Variants in TXNL1 observed in about 807,000 individuals in gnomAD.
The protein encoded by TXNL1 is thioredoxin-like protein 1.
In TXNL1, 14 loss-of-function variants were observed where a neutral mutation model predicts 35.5. The ratio of observed to expected loss-of-function variants is 0.39; its 90% CI spans 0.26 to 0.62. The LOEUF (loss-of-function observed/expected upper bound fraction) is 0.62. TXNL1 is among the 20% of genes least tolerant of loss of function. The pLI is 0.47. For synonymous variants in TXNL1, 110 were observed against 115.5 expected, an observed-to-expected ratio of 0.95 and a Z score of 0.31; for missense variants, 263 against 349.7, an observed-to-expected ratio of 0.75 and a Z score of 1.98.
At chr18:56,633,413 C>T (rs933972570) in intron 1 of TXNL1, among the ~76,000 whole-genome samples, 13 of 145,424 alleles carry the variant, frequency 8.9e-5, no homozygotes, top group Admixed American at 7.1e-4. Flanking sequence ...TGCCACTGCA[C>T]TCCAGCCTAG....
Position 56,598,002 on chromosome 18 carries a change from T to C in TXNL1, c.*5025A>G, listed in dbSNP as rs966221734. 2 of 152,230 alleles carry C rather than the reference T, an allele frequency of 1.3e-5. No individual in the cohort carries two copies. The highest frequency in any genetic ancestry group is 4.8e-5 in the African/African-American group (2 of 41,446). The allele number at this position is 152,230 out of a possible 1,614,324, so 9.4% of individuals were successfully genotyped here. On this transcript the variant is annotated 3_prime_UTR_variant, in exon 8 of 8. Coordinates refer to ENST00000217515, the MANE Select transcript of TXNL1 (RefSeq NM_004786.3). The stretch of plus-strand genomic sequence containing the variant: ...ATCTCTTTCACATGGCAAGAGGAGC[T>C]TCACCTTACCGTCTCTACTTGCTCT...
chr18:56,611,631 C>A (rs1236521354), intron 6 of TXNL1, among the ~76,000 whole-genome samples: 1 of 152,122 alleles, frequency 6.6e-6, no homozygotes, highest in African/African-American at 2.4e-5. Flanking sequence ...TGGCAAGAGA[C>A]CCATATATAT....
In TXNL1 at chr18:56,599,300, T is replaced by C. The variant is rs1014163709; in HGVS notation, c.*3727A>G. The C allele has an allele frequency of 7.2e-5, 11 of 152,046 alleles. No individual in the cohort carries two copies. Among genetic ancestry groups the C allele is most frequent in the South Asian group, 6.2e-4 (3 of 4,820 alleles). 9.4% of individuals were successfully genotyped at this position (152,046 alleles called of 1,614,324 possible). ...ATGTTAAAAAAAAAAAAAAACCTTA[T>C]TGATCAAAAATAAAACTTGAATTTT... On this transcript the variant is annotated 3_prime_UTR_variant, in exon 8 of 8. Transcript: ENST00000217515.
At chr18:56,617,135 A>C (rs1396234884) in intron 4 of TXNL1, among the ~76,000 whole-genome samples, 2 of 152,234 alleles carry the variant, frequency 1.3e-5, no homozygotes, top group African/African-American at 4.8e-5. Flanking sequence ...CTGGGGTTAC[A>C]GCATGGAAAG....
intron 5 of TXNL1, 121 bp from the exon 6 acceptor site, chr18:56,614,717 C>T: frequency 2.6e-6 from 2 of 780,990 alleles, no homozygotes; most frequent in Non-Finnish European, 3.8e-6. Flanking sequence ...CTTCAAATAA[C>T]TCCATTATTA....
In TXNL1 at chr18:56,601,705, T is replaced by G. The variant is rs2144269143; in HGVS notation, c.*1322A>C. The G allele has an allele frequency of 6.6e-6, 1 of 152,324 alleles. No homozygotes were observed. Among genetic ancestry groups the G allele is most frequent in the East Asian group, 1.9e-4 (1 of 5,178 alleles). 9.4% of individuals were successfully genotyped at this position (152,324 alleles called of 1,614,324 possible). A position where few individuals can be genotyped will look rare whatever the true frequency, so the allele number is the denominator to read the frequency against. ...TGCTCTCACAAAGGCAAATGGTATC[T>G]CTACCATATTCCTAGACAAGAATGC... On this transcript the variant is annotated 3_prime_UTR_variant, in exon 8 of 8. Transcript: ENST00000217515.
intron 1 of TXNL1, among the ~76,000 whole-genome samples, chr18:56,632,449 G>A (rs1287066499): frequency 1.3e-5 from 2 of 151,926 alleles, no homozygotes; most frequent in Non-Finnish European, 2.9e-5. Flanking sequence ...ACAAACTCAT[G>A]TCACCTCATT....
intron 5 of TXNL1, 152 bp downstream of exon 5, chr18:56,616,093 C>A: frequency 1.7e-6 from 1 of 596,848 alleles, no homozygotes; most frequent in Non-Finnish European, 2.8e-6. Context: ...GATTGCACCA[C>A]CGCACTCCAG....
Position 56,638,433 on chromosome 18 carries a change from C to T in TXNL1, c.8G>A (p.Gly3Glu). The change falls in exon 1 of 8, where the codon GGG becomes GAG. Residue 3 changes from glycine (G) to glutamate (E), a missense_variant. Coordinates refer to ENST00000217515, the MANE Select transcript of TXNL1 (RefSeq NM_004786.3). MV[G>E]VKPVGSDPDF... The stretch of plus-strand genomic sequence containing the variant: ...CGGGTCGCTCCCGACGGGCTTCACC[C>T]CCACCATCCTCACAGAGAGCCCGGC... 6.2e-7 allele frequency: 1 copy of T among 1,612,844 alleles called. No individual in the cohort carries two copies.
At chr18:56,624,513 A>C in intron 2 of TXNL1, 52 bp from the exon 3 acceptor site, 1 of 1,546,452 alleles carries the variant, frequency 6.5e-7, no homozygotes, top group South Asian at 1.2e-5. Context: ...AACCACTTTG[A>C]ATATTCATTC....
Position 56,611,067 on chromosome 18 carries a change from C to G in TXNL1, c.766G>C (p.Glu256Gln). ...IFVQSNQGEEETTRISYFTFI... is the reference protein window; with the variant it reads ...IFVQSNQGEEQTTRISYFTFI... ...GTAAAATATGAAATTCTTGTTGTTT[C>G]CTCTTCACCTTGATTCGACTGAACA... The change falls in exon 7 of 8, where the codon GAA becomes CAA. Residue 256 changes from glutamate (E) to glutamine (Q), a missense_variant. Physicochemically the swap from Glu to Gln is conservative, Grantham distance 29. Transcript: ENST00000217515. 5 of 1,606,454 alleles carry G rather than the reference C, an allele frequency of 3.1e-6. No homozygotes were observed. The highest frequency in any genetic ancestry group is 4.2e-6 in the Non-Finnish European group (5 of 1,177,558).
At chr18:56,612,722 C>T (rs2024017249) in intron 6 of TXNL1, among the ~76,000 whole-genome samples, 1 of 152,058 alleles carries the variant, frequency 6.6e-6, no homozygotes, top group Non-Finnish European at 1.5e-5. Context: ...TTCTGAGATG[C>T]CACTCATTCG....
At chr18:56,603,154 T>G in intron 7 of TXNL1, 98 bp from the exon 8 acceptor site, 1 of 1,129,734 alleles carries the variant, frequency 8.9e-7, no homozygotes, top group Non-Finnish European at 1.3e-6. Context: ...GGTATTAATT[T>G]TTATCCTTGG....
chr18:56,629,951 C>T (rs1377190544), intron 1 of TXNL1, among the ~76,000 whole-genome samples: 1 of 152,124 alleles, frequency 6.6e-6, no homozygotes, highest in Non-Finnish European at 1.5e-5. Flanking sequence ...GTAATCTCAG[C>T]ACTTTGGGAG....
chr18:56,628,402 G>C (rs1407767575), intron 1 of TXNL1, among the ~76,000 whole-genome samples: 1 of 152,140 alleles, frequency 6.6e-6, no homozygotes, highest in African/African-American at 2.4e-5. Flanking sequence ...ATTAGTAATA[G>C]TTCTAAGAGT....
chr18:56,629,400 T>C (rs1396548500), intron 1 of TXNL1, among the ~76,000 whole-genome samples: 1 of 152,050 alleles, frequency 6.6e-6, no homozygotes, highest in Non-Finnish European at 1.5e-5. Flanking sequence ...TGGTGGCGCA[T>C]GCCTGTAATC....
At chr18:56,635,726 ATGG>A (rs2024445200) in intron 1 of TXNL1, among the ~76,000 whole-genome samples, 1 of 152,128 alleles carries the variant, frequency 6.6e-6, no homozygotes, top group African/African-American at 2.4e-5. Context: ...AACAGTGGTG[ATGG>A]TGGCACAACA....
At chr18:56,620,001 C>G (rs746255249) in intron 3 of TXNL1, among the ~76,000 whole-genome samples, 1 of 152,066 alleles carries the variant, frequency 6.6e-6, no homozygotes, top group African/African-American at 2.4e-5. Context: ...GACATTCTCA[C>G]TCTGTCGCCC....
At position 56,603,071 on chromosome 18, in the gene TXNL1, ATAAGTT is replaced by A; in HGVS notation, c.841-21_841-16del. Reference sequence around the variant, plus strand: ...TTGCCAACTACCTAGAAAAACAAAAATAAGTTTATATGTACATCCTATTGATTTTAA... The same window carrying A: ...TTGCCAACTACCTAGAAAAACAAAAATATATGTACATCCTATTGATTTTAA... On this transcript the variant is annotated splice_polypyrimidine_tract_variant and intron_variant, in intron 7 of 7. Transcript: ENST00000217515. 1 of 1,605,542 alleles carries A rather than the reference ATAAGTT, an allele frequency of 6.2e-7. No homozygotes were observed. The highest frequency in any genetic ancestry group is 8.5e-7 in the Non-Finnish European group (1 of 1,172,522).
Sources: gnomAD v4.1 joint callset for allele counts (sites outside exome capture counted in the v4.1 genomes callset) on GRCh38, gnomAD v4.1.1 for gene constraint, MANE v1.5 for transcripts, NCBI Gene and HGNC (gene_info 2026-07-23, HGNC 2026-07-21) for gene names.